Variants in BMP5 observed in about 807,000 individuals in gnomAD.
The protein encoded by BMP5 is bone morphogenetic protein 5.
BMP5 carries 23 observed loss-of-function variants against 46.6 expected under a neutral mutation model. The observed-to-expected ratio is 0.49, with a 90% CI of 0.35 to 0.70. The LOEUF is 0.70. Ranked by LOEUF, BMP5 falls within the 30% of genes least tolerant of loss-of-function variation. The pLI, the probability that BMP5 is intolerant of heterozygous loss-of-function variation, is 0.00. For synonymous variants in BMP5, 204 were observed against 191.9 expected (o/e 1.06, Z -0.52); for missense variants, 545 against 565.6 (o/e 0.96, Z 0.37).
intron 2 of BMP5, among the ~76,000 whole-genome samples, chr6:55,807,395 G>C (rs753220371): frequency 1.3e-5 from 2 of 152,208 alleles, no homozygotes; most frequent in Admixed American, 1.3e-4. Context: ...AACCAGCCTT[G>C]CATCCCAGGG....
At chr6:55,784,344 G>A (rs1775395904) in intron 3 of BMP5, among the ~76,000 whole-genome samples, 1 of 151,750 alleles carries the variant, frequency 6.6e-6, no homozygotes, top group South Asian at 2.1e-4. Context: ...AAGAAAAAAA[G>A]ACTATTTTTA....
intron 3 of BMP5, among the ~76,000 whole-genome samples, chr6:55,785,252 A>G (rs909539222): frequency 6.6e-6 from 1 of 151,848 alleles, no homozygotes; most frequent in Non-Finnish European, 1.5e-5. Context: ...GGATATTTGT[A>G]TAGACAGAAA....
At chr6:55,826,735 G>T (rs530137472) in intron 1 of BMP5, among the ~76,000 whole-genome samples, 1 of 151,062 alleles carries the variant, frequency 6.6e-6, no homozygotes, top group Non-Finnish European at 1.5e-5. Flanking sequence ...ATTAATGAAG[G>T]AGTTAATATA....
chr6:55,815,375 T>G (rs79574492), intron 2 of BMP5, among the ~76,000 whole-genome samples: 1 of 152,146 alleles, frequency 6.6e-6, no homozygotes, highest in Non-Finnish European at 1.5e-5. Context: ...ATTGAATTTT[T>G]AAAAATACTA....
Position 55,874,813 on chromosome 6 carries a change from C to A in BMP5, c.53G>T (p.Cys18Phe). Residue 18 changes from cysteine to phenylalanine, a missense_variant, in exon 1 of 7, where the codon TGC (cysteine) becomes TTC (phenylalanine). Cys to Phe is a radical substitution (Grantham distance 205). Transcript: ENST00000370830. ...LKGIVGFLWS[C>F]WVLVGYAKGG... ...TTTTGCATAACCCACTAGAACCCAGCAGCTCCAGAGGAAACCCACAATACC... is the reference window on the plus strand; with the variant it reads ...TTTTGCATAACCCACTAGAACCCAGAAGCTCCAGAGGAAACCCACAATACC... The A allele has an allele frequency of 3.7e-6, 6 of 1,613,236 alleles. No homozygotes were observed. Among genetic ancestry groups the A allele is most frequent in the Non-Finnish European group, 4.2e-6 (5 of 1,179,584 alleles).
At position 55,755,428 on chromosome 6, in the gene BMP5, G is replaced by A; in HGVS notation, c.*105C>T. The A allele has an allele frequency of 9.1e-7, 1 of 1,102,110 alleles. No individual in the cohort carries two copies. Among genetic ancestry groups the A allele is most frequent in the Non-Finnish European group, 1.3e-6 (1 of 745,348 alleles). 68.3% of individuals were successfully genotyped at this position (1,102,110 alleles called of 1,614,324 possible). A position where few individuals can be genotyped will look rare whatever the true frequency, so the allele number is the denominator to read the frequency against. On this transcript the variant is annotated 3_prime_UTR_variant, in exon 7 of 7. Coordinates refer to ENST00000370830, the MANE Select transcript of BMP5 (RefSeq NM_021073.4). ...GTACATAGGAAAAGAGTCAAAATGAGCCAGACTAATTTTAGGAAATTCCCC... is the reference window on the plus strand; with the variant it reads ...GTACATAGGAAAAGAGTCAAAATGAACCAGACTAATTTTAGGAAATTCCCC...
chr6:55,814,266 C>T (rs1486480276), intron 2 of BMP5, among the ~76,000 whole-genome samples: 1 of 151,956 alleles, frequency 6.6e-6, no homozygotes, highest in Non-Finnish European at 1.5e-5. Context: ...ACTGTACCTA[C>T]TGTTATTATA....
chr6:55,756,869 C>A (rs186300336), intron 6 of BMP5, among the ~76,000 whole-genome samples: 8 of 151,742 alleles, frequency 5.3e-5, no homozygotes, highest in African/African-American at 1.9e-4. Context: ...GGCAGCCTAA[C>A]GGAAAAAAAA....
chr6:55,800,610 A>T (rs555346944), intron 2 of BMP5, among the ~76,000 whole-genome samples: 1 of 152,166 alleles, frequency 6.6e-6, no homozygotes, highest in African/African-American at 2.4e-5. Flanking sequence ...CTATTTTTCT[A>T]GTCAGCTGAA....
At position 55,868,275 on chromosome 6, in the gene BMP5, C is replaced by T. The variant is rs539626484; in HGVS notation, c.490+6101G>A. The stretch of plus-strand genomic sequence containing the variant: ...CTCCAGGAAACCTGTTTAACAAGAA[C>T]AATAAAAGTTGCTAATTTTTTTTCT... On this transcript the variant is annotated intron_variant, in intron 1 of 6. Coordinates refer to ENST00000370830, the MANE Select transcript of BMP5 (RefSeq NM_021073.4). Among the ~76,000 whole-genome samples the T allele has an allele frequency of 6.6e-5, 10 of 152,170 alleles. No homozygotes were observed. In the South Asian group the frequency reaches 2.1e-3, roughly 32 times the overall value.
At chr6:55,788,457 C>T (rs565619586) in intron 3 of BMP5, among the ~76,000 whole-genome samples, 6 of 151,918 alleles carry the variant, frequency 3.9e-5, no homozygotes, top group Admixed American at 3.3e-4. Context: ...ATACATCAAT[C>T]TGACCTTTTC....
chr6:55,778,579 T>C (rs1775234488), intron 3 of BMP5, among the ~76,000 whole-genome samples: 1 of 152,024 alleles, frequency 6.6e-6, no homozygotes, highest in Non-Finnish European at 1.5e-5. Flanking sequence ...AAATATTAAA[T>C]ATTTGCTCGT....
intron 2 of BMP5, 96 bp downstream of exon 2, chr6:55,819,559 A>T (rs1776358728): frequency 9.6e-7 from 1 of 1,043,494 alleles, no homozygotes; most frequent in Non-Finnish European, 1.4e-6. Flanking sequence ...CCCCCAAAAA[A>T]ATAATTTGTT....
intron 3 of BMP5, among the ~76,000 whole-genome samples, chr6:55,787,112 AC>A (rs928473887): frequency 6.6e-6 from 1 of 151,624 alleles, no homozygotes; most frequent in Admixed American, 6.6e-5. Context: ...TATTCAGATT[AC>A]CCAGCCATAT....
rs375985325 is a variant in BMP5, at chr6:55,844,037, T to G, written c.491-24190A>C. 1.2e-4 allele frequency among the ~76,000 whole-genome samples: 19 copies of G among 152,144 alleles called. No individual in the cohort carries two copies. The East Asian group carries it at 3.3e-3, about 26-fold the overall frequency. Reference sequence around the variant, plus strand: ...AATGATCTAGGGAGAAGCTTGAATATGAATCTGTATTTATAATACAGGAAG... The same window carrying G: ...AATGATCTAGGGAGAAGCTTGAATAGGAATCTGTATTTATAATACAGGAAG... On this transcript the variant is annotated intron_variant, in intron 1 of 6. Coordinates refer to ENST00000370830, the MANE Select transcript of BMP5 (RefSeq NM_021073.4).
chr6:55,829,497 G>T (rs1179748241), intron 1 of BMP5, among the ~76,000 whole-genome samples: 1 of 150,922 alleles, frequency 6.6e-6, no homozygotes, highest in African/African-American at 2.5e-5. Flanking sequence ...AGTTCTAATA[G>T]TATATATATA....
intron 1 of BMP5, among the ~76,000 whole-genome samples, chr6:55,860,065 C>T (rs1447903267): frequency 1.3e-5 from 2 of 152,130 alleles, no homozygotes; most frequent in Non-Finnish European, 2.9e-5. Flanking sequence ...CTCACAAGCA[C>T]AGGATTTGAG....
chr6:55,780,502 C>T (rs999456432), intron 3 of BMP5, among the ~76,000 whole-genome samples: 4 of 119,286 alleles, frequency 3.4e-5, no homozygotes, highest in South Asian at 2.8e-4. Context: ...AAGAAAGAAA[C>T]GTGGTTACAA....
At chr6:55,837,072 GAA>G (rs1776814409) in intron 1 of BMP5, among the ~76,000 whole-genome samples, 1 of 148,662 alleles carries the variant, frequency 6.7e-6, no homozygotes, top group Admixed American at 6.7e-5. Context: ...TTTTTCCTGA[GAA>G]AGAGTCTGCT....
Sources: gnomAD v4.1 joint callset for allele counts (sites outside exome capture counted in the v4.1 genomes callset) on GRCh38, gnomAD v4.1.1 for gene constraint, MANE v1.5 for transcripts, NCBI Gene and HGNC (gene_info 2026-07-23, HGNC 2026-07-21) for gene names.